The following RCSD1 variants were observed in gnomAD, a reference collection of about 807,000 sequenced individuals.
The protein encoded by RCSD1 is capZ-interacting protein.
In RCSD1, 26 loss-of-function variants were observed where a neutral mutation model predicts 42.5. The ratio of observed to expected loss-of-function variants is 0.61; its 90% CI spans 0.45 to 0.85. RCSD1 has a LOEUF of 0.85. Ranked by LOEUF, RCSD1 falls within the 40% of genes least tolerant of loss-of-function variation. RCSD1 has a pLI of 0.00. For synonymous variants in RCSD1, 220 were observed against 212.2 expected (o/e 1.04, Z -0.32); for missense variants, 571 against 528.3 (o/e 1.08, Z -0.79).
At chr1:167,685,631 T>C in intron 3 of RCSD1, 121 bp downstream of exon 3, 1 of 716,424 alleles carries the variant, frequency 1.4e-6, no homozygotes. Context: ...GTGCAGGGAA[T>C]TTCTCCATTT....
chr1:167,638,525 C>G (rs1314972981), intron 1 of RCSD1: 1 of 152,278 alleles, frequency 6.6e-6, no homozygotes, highest in Admixed American at 6.5e-5. Flanking sequence ...TGGAGAAACT[C>G]TGGCTTCCCC....
chr1:167,680,710 A>G (rs1659061662), intron 1 of RCSD1, among the ~76,000 whole-genome samples: 1 of 152,110 alleles, frequency 6.6e-6, no homozygotes, highest in African/African-American at 2.4e-5. Context: ...TGAGCTCAAG[A>G]GATCCTCCTG....
intron 6 of RCSD1, among the ~76,000 whole-genome samples, chr1:167,698,582 C>T (rs1331667571): frequency 3.9e-5 from 6 of 152,114 alleles, no homozygotes; most frequent in Admixed American, 2.6e-4. Flanking sequence ...TCCCCACCAG[C>T]TCCCAGGAAG....
chr1:167,704,968 A>C lies in RCSD1; in HGVS notation c.*272A>C. ...GGTTCAACAACAAGAACTTACTTAAAACAATGTACTGTGGTGATGAGTCCC... is the reference window on the plus strand; with the variant it reads ...GGTTCAACAACAAGAACTTACTTAACACAATGTACTGTGGTGATGAGTCCC... On this transcript the variant is annotated 3_prime_UTR_variant, in exon 7 of 7. Coordinates refer to ENST00000367854, the MANE Select transcript of RCSD1 (RefSeq NM_052862.4). 2.4e-6 allele frequency: 1 copy of C among 416,162 alleles called. No homozygotes were observed. Among genetic ancestry groups the C allele is most frequent in the Non-Finnish European group, 4.5e-6 (1 of 220,974 alleles). The allele number at this position is 416,162 out of a possible 1,614,324, so 25.8% of individuals were successfully genotyped here.
chr1:167,656,694 A>G (rs1276844914), intron 1 of RCSD1, among the ~76,000 whole-genome samples: 1 of 152,174 alleles, frequency 6.6e-6, no homozygotes, highest in Non-Finnish European at 1.5e-5. Context: ...AGTCATTTAC[A>G]TTGCCTGCCC....
At chr1:167,698,745 T>G (rs1014068666) in intron 6 of RCSD1, among the ~76,000 whole-genome samples, 3 of 151,890 alleles carry the variant, frequency 2.0e-5, no homozygotes, top group Admixed American at 1.3e-4. Context: ...CACACCACTA[T>G]CAGCTTCCTG....
intron 6 of RCSD1, among the ~76,000 whole-genome samples, chr1:167,700,817 T>C (rs2101724723): frequency 6.6e-6 from 1 of 152,286 alleles, no homozygotes; most frequent in South Asian, 2.1e-4. Context: ...TGGGTCCAAG[T>C]AGTCACCTGC....
chr1:167,659,165 T>C lies in RCSD1; in HGVS notation c.7-24735T>C, dbSNP rs140255358. Among the ~76,000 whole-genome samples, 37 of 152,078 alleles carry C rather than the reference T, an allele frequency of 2.4e-4. No homozygotes were observed. In the East Asian group the frequency reaches 6.9e-3, roughly 29 times the overall value. Reference sequence around the variant, plus strand: ...TGCATTTCCCTGACAAGTACTATCGTAAGTTTGAGCATCTTTTTATGTTGA... The same window carrying C: ...TGCATTTCCCTGACAAGTACTATCGCAAGTTTGAGCATCTTTTTATGTTGA... On this transcript the variant is annotated intron_variant, in intron 1 of 6. Coordinates refer to ENST00000367854, the MANE Select transcript of RCSD1 (RefSeq NM_052862.4).
chr1:167,688,338 C>T (rs544384631), intron 3 of RCSD1, among the ~76,000 whole-genome samples: 2 of 152,262 alleles, frequency 1.3e-5, no homozygotes, highest in East Asian at 3.9e-4. Context: ...GCTGCAGTTT[C>T]TAAAAGTTTC....
At chr1:167,672,961 G>A (rs1008261151) in intron 1 of RCSD1, among the ~76,000 whole-genome samples, 3 of 152,054 alleles carry the variant, frequency 2.0e-5, no homozygotes, top group Admixed American at 1.3e-4. Context: ...CAACTATCCC[G>A]TGATAGTTGG....
intron 1 of RCSD1, among the ~76,000 whole-genome samples, chr1:167,659,536 G>A (rs1379066584): frequency 1.3e-5 from 2 of 152,160 alleles, no homozygotes; most frequent in African/African-American, 2.4e-5. Flanking sequence ...TTTCAACTAA[G>A]TAATCTCAAT....
rs542576615 is a variant in RCSD1, at chr1:167,678,800, C to G, written c.7-5100C>G. ...ACTACCACTCGCATCTTCCCGCCCC[C>G]TCTTGTTGTCCCTGCCACCCTTCTC... On this transcript the variant is annotated intron_variant, in intron 1 of 6. Transcript: ENST00000367854. Among the ~76,000 whole-genome samples the G allele has an allele frequency of 3.1e-4, 47 of 152,328 alleles. No individual in the cohort carries two copies. The East Asian group carries it at 3.9e-3, about 12-fold the overall frequency.
intron 1 of RCSD1, among the ~76,000 whole-genome samples, chr1:167,677,345 T>C (rs1158547480): frequency 6.6e-6 from 1 of 152,222 alleles, no homozygotes; most frequent in Non-Finnish European, 1.5e-5. Context: ...TCTTACCCTC[T>C]ATCACTTTAG....
intron 3 of RCSD1, among the ~76,000 whole-genome samples, chr1:167,686,921 T>G (rs1035200317): frequency 2.0e-5 from 3 of 152,150 alleles, no homozygotes; most frequent in Middle Eastern, 3.2e-3. Context: ...TTCTTATTTG[T>G]GAAATTGAGG....
intron 1 of RCSD1, among the ~76,000 whole-genome samples, chr1:167,633,081 T>C (rs1208694011): frequency 1.3e-5 from 2 of 152,242 alleles, no homozygotes; most frequent in African/African-American, 4.8e-5. Context: ...GGTTACTCAA[T>C]ATTCATTCTC....
chr1:167,649,410 A>T, intron 1 of RCSD1, among the ~76,000 whole-genome samples: 1 of 152,246 alleles, frequency 6.6e-6, no homozygotes, highest in East Asian at 1.9e-4. Context: ...TGTTATTTGT[A>T]TAACAAGCAT....
chr1:167,658,610 T>C (rs1658477192), intron 1 of RCSD1, among the ~76,000 whole-genome samples: 1 of 152,020 alleles, frequency 6.6e-6, no homozygotes, highest in African/African-American at 2.4e-5. Context: ...TTTCTTTTTT[T>C]TGGAGAGACG....
chr1:167,695,250 C>T (rs564936315), intron 5 of RCSD1, among the ~76,000 whole-genome samples: 2 of 152,246 alleles, frequency 1.3e-5, no homozygotes, highest in Non-Finnish European at 2.9e-5. Context: ...CGCATCTTCT[C>T]ACAGGGTGAG....
At chr1:167,671,987 G>A (rs1658820463) in intron 1 of RCSD1, among the ~76,000 whole-genome samples, 1 of 152,102 alleles carries the variant, frequency 6.6e-6, no homozygotes, top group African/African-American at 2.4e-5. Context: ...AGTCTTCCCG[G>A]GTGCCTCTGG....
Sources: gnomAD v4.1 joint callset for allele counts (sites outside exome capture counted in the v4.1 genomes callset) on GRCh38, gnomAD v4.1.1 for gene constraint, MANE v1.5 for transcripts, NCBI Gene and HGNC (gene_info 2026-07-23, HGNC 2026-07-21) for gene names.